Variants in ACO2 observed in about 807,000 individuals in gnomAD.
ACO2 encodes aconitase 2.
Under a neutral mutation model 84.5 loss-of-function variants are expected in ACO2, and 31 were observed. That is an observed-to-expected ratio of 0.37 (90% CI 0.28 to 0.50). The LOEUF (loss-of-function observed/expected upper bound fraction) is 0.50. Ranked by LOEUF, ACO2 falls within the 20% of genes least tolerant of loss-of-function variation. The probability of loss-of-function intolerance (pLI) is 0.97; values close to 1 mark genes in which losing one functional copy is unlikely to be tolerated. For synonymous variants in ACO2, 414 were observed against 412.7 expected, an observed-to-expected ratio of 1.00 and a Z score of -0.04; for missense variants, 685 against 1,029.3, an observed-to-expected ratio of 0.67 and a Z score of 4.58.
chr22:41,514,294 C>T (rs769701746), intron 4 of ACO2, among the ~76,000 whole-genome samples: 1 of 152,226 alleles, frequency 6.6e-6, no homozygotes, highest in Non-Finnish European at 1.5e-5. Context: ...CTCCATCTGA[C>T]TGATGAGCGG....
intron 1 of ACO2, among the ~76,000 whole-genome samples, 197 bp from the exon 2 acceptor site, chr22:41,499,529 C>G (rs1477715903): frequency 6.6e-6 from 1 of 152,206 alleles, no homozygotes; most frequent in Non-Finnish European, 1.5e-5. Context: ...ATCCCTTGCA[C>G]TTTTTTCCTA....
intron 1 of ACO2, among the ~76,000 whole-genome samples, chr22:41,488,036 T>A (rs1343947002): frequency 6.6e-6 from 1 of 152,212 alleles, no homozygotes; most frequent in Non-Finnish European, 1.5e-5. Context: ...TTGAGCCTGA[T>A]AAAATCTTGC....
intron 4 of ACO2, 106 bp downstream of exon 4, chr22:41,512,074 G>A (rs1046826574): frequency 4.0e-6 from 3 of 745,276 alleles, no homozygotes; most frequent in Non-Finnish European, 6.3e-6. Flanking sequence ...AGGGGAACTG[G>A]ATGACATATC....
intron 17 of ACO2, 129 bp downstream of exon 17, chr22:41,528,151 G>A: frequency 7.0e-7 from 1 of 1,422,432 alleles, no homozygotes; most frequent in Non-Finnish European, 9.5e-7. Context: ...CAGTTCTCCA[G>A]GTGGCCCCAC....
Position 41,528,639 on chromosome 22 carries a change from T to C in ACO2, c.*26T>C. 4 of 1,608,354 alleles carry C rather than the reference T, an allele frequency of 2.5e-6. No individual in the cohort carries two copies. The highest frequency in any genetic ancestry group is 3.4e-6 in the Non-Finnish European group (4 of 1,178,862). Reference sequence around the variant, plus strand: ...GGGCAGTGCCTCCCCGCCCCGCCGCTGGCGTCAAGTTCAGCTCCACGTGTG... The same window carrying C: ...GGGCAGTGCCTCCCCGCCCCGCCGCCGGCGTCAAGTTCAGCTCCACGTGTG... On this transcript the variant is annotated 3_prime_UTR_variant, in exon 18 of 18. Transcript: ENST00000216254.
At chr22:41,519,039 T>G (rs1421059517) in intron 8 of ACO2, among the ~76,000 whole-genome samples, 30 of 151,686 alleles carry the variant, frequency 2.0e-4, no homozygotes. Flanking sequence ...GAGCAGTGGG[T>G]GGGGAGGGGG....
rs1444050456 is a variant in ACO2 at position 41,526,430 on chromosome 22, C to T, written c.1930C>T (p.Pro644Ser). 6.2e-7 allele frequency: 1 copy of T among 1,613,346 alleles called. No homozygotes were observed. Among genetic ancestry groups the T allele is most frequent in the Non-Finnish European group, 8.5e-7 (1 of 1,179,624 alleles). The change falls in exon 15 of 18, where the codon CCT becomes TCT. Residue 644 changes from proline (P) to serine (S), a missense_variant. Pro to Ser is a moderately conservative substitution (Grantham distance 74, BLOSUM62 -1). Transcript: ENST00000216254. ...NAVTQEFGPV[P>S]DTARYYKKHG... ...CGTCACTCAGGAGTTTGGCCCCGTC[C>T]CTGACACTGCCCGCTACTACAAGGT...
chr22:41,477,350 G>C (rs1429031924), intron 1 of ACO2, among the ~76,000 whole-genome samples: 2 of 151,256 alleles, frequency 1.3e-5, no homozygotes, highest in African/African-American at 2.4e-5. Flanking sequence ...TAGTAGAGAT[G>C]GGGTTTCACG....
At chr22:41,496,309 CT>C (rs2066313243) in intron 1 of ACO2, among the ~76,000 whole-genome samples, 1 of 151,958 alleles carries the variant, frequency 6.6e-6, no homozygotes, top group Non-Finnish European at 1.5e-5. Flanking sequence ...GAGCAAGACC[CT>C]GTCTCAAAAA....
intron 1 of ACO2, among the ~76,000 whole-genome samples, chr22:41,480,838 T>C (rs1233437569): frequency 6.6e-6 from 1 of 152,160 alleles, no homozygotes; most frequent in East Asian, 1.9e-4. Flanking sequence ...TCTTCCGAGA[T>C]GGAGTCTTGC....
At chr22:41,507,737 G>A (rs552187968) in intron 2 of ACO2, 54 bp from the exon 3 acceptor site, 37 of 1,572,944 alleles carry the variant, frequency 2.4e-5, no homozygotes, top group Non-Finnish European at 2.9e-5. Context: ...GAGGCAGGGC[G>A]GGAGGAGGCC....
At chr22:41,517,966 C>T (rs949111284) in intron 7 of ACO2, among the ~76,000 whole-genome samples, 2 of 152,224 alleles carry the variant, frequency 1.3e-5, no homozygotes, top group Non-Finnish European at 2.9e-5. Flanking sequence ...TGACATGGAT[C>T]GCTTCTGTTG....
chr22:41,524,738 T>C (rs556665729), intron 12 of ACO2, 108 bp from the exon 13 acceptor site: 1 of 1,549,330 alleles, frequency 6.5e-7, no homozygotes, highest in South Asian at 1.2e-5. Context: ...GGGAAGAACA[T>C]GGAAATTTCC....
At chr22:41,508,545 C>G (rs893316372) in intron 3 of ACO2, among the ~76,000 whole-genome samples, 7 of 152,234 alleles carry the variant, frequency 4.6e-5, no homozygotes, top group African/African-American at 7.2e-5. Context: ...CATGAGGGCA[C>G]GATTAGGGCT....
At chr22:41,522,554 A>G (rs573472468) in intron 9 of ACO2, among the ~76,000 whole-genome samples, 1 of 152,344 alleles carries the variant, frequency 6.6e-6, no homozygotes, top group South Asian at 2.1e-4. Context: ...CTACACGTGT[A>G]CATGATATTG....
At chr22:41,512,015 G>T (rs770737230) in intron 4 of ACO2, 47 bp downstream of exon 4, 3 of 1,518,356 alleles carry the variant, frequency 2.0e-6, no homozygotes, top group East Asian at 2.4e-5. Context: ...AGCCAGAGAA[G>T]TATGTTCCAG....
Position 41,523,002 on chromosome 22 carries a change from C to A in ACO2, c.1296+15C>A, listed in dbSNP as rs769264305. ...GGGACGGCTATGTGAGTGCCCATAT[C>A]CCCCTGCCCATCTCCCCCACCCCAT... On this transcript the variant is annotated intron_variant, in intron 10 of 17. Coordinates refer to ENST00000216254, the MANE Select transcript of ACO2 (RefSeq NM_001098.3). The A allele has an allele frequency of 1.2e-6, 2 of 1,613,418 alleles. No homozygotes were observed. The highest frequency in any genetic ancestry group is 8.5e-7 in the Non-Finnish European group (1 of 1,179,508).
chr22:41,517,728 T>A, intron 7 of ACO2, 97 bp downstream of exon 7: 1 of 1,104,486 alleles, frequency 9.1e-7, no homozygotes, highest in Non-Finnish European at 1.4e-6. Context: ...CAGGGGTTCT[T>A]AACCCATTGT....
chr22:41,528,387 C>G, intron 17 of ACO2, 92 bp from the exon 18 acceptor site: 1 of 1,535,268 alleles, frequency 6.5e-7, no homozygotes, highest in Non-Finnish European at 8.8e-7. Flanking sequence ...CCTCTTAGGT[C>G]CCCAGGCAGT....
Sources: gnomAD v4.1 joint callset for allele counts (sites outside exome capture counted in the v4.1 genomes callset) on GRCh38, gnomAD v4.1.1 for gene constraint, MANE v1.5 for transcripts, NCBI Gene and HGNC (gene_info 2026-07-23, HGNC 2026-07-21) for gene names.